The following TNFRSF25 variants were observed in gnomAD, a reference collection of about 807,000 sequenced individuals.
TNFRSF25 encodes the protein TNF receptor superfamily member 25, also known as tumor necrosis factor receptor superfamily member 25.
In TNFRSF25, 28 loss-of-function variants were observed where a neutral mutation model predicts 49.4. The ratio of observed to expected loss-of-function variants is 0.57; its 90% CI spans 0.42 to 0.78. The LOEUF is 0.78. Among genes scored for constraint, TNFRSF25 ranks in the 30% least tolerant of loss-of-function variants. The probability of loss-of-function intolerance (pLI) is 0.00; values close to 1 mark genes in which losing one functional copy is unlikely to be tolerated. For synonymous variants in TNFRSF25, 240 were observed against 234.2 expected (o/e 1.02, Z -0.23); for missense variants, 531 against 581.6 (o/e 0.91, Z 0.90).
chr1:6,465,288 C>A (rs182723651), intron 2 of TNFRSF25, 66 bp from the exon 3 acceptor site: 1 of 1,555,304 alleles, frequency 6.4e-7, no homozygotes, highest in Admixed American at 1.9e-5. Flanking sequence ...CTGCTTCCCA[C>A]CCTGCCCTCC....
rs776222482 is a variant in TNFRSF25, at chr1:6,461,665, C to T, written c.1023G>A (p.Ala341=). Reference sequence around the variant, plus strand: ...ACTCCTTCCAGCGCCGCGCTGGGACCGCGTCCATCACGTCGTAGAGCTGCG... The same window carrying T: ...ACTCCTTCCAGCGCCGCGCTGGGACTGCGTCCATCACGTCGTAGAGCTGCG... The part of the protein sequence containing the change: ...PGPQLYDVMD[A]VPARRWKEFV... Residue 341 remains alanine, a synonymous_variant, in exon 10 of 10, where the codon GCG becomes GCA. Coordinates refer to ENST00000356876, the MANE Select transcript of TNFRSF25 (RefSeq NM_003790.3). The surrounding 1 kb of genome is among the most constrained non-coding windows in gnomAD (Gnocchi z 6.3). The T allele has an allele frequency of 1.9e-5, 31 of 1,598,756 alleles. No homozygotes were observed. Among genetic ancestry groups the T allele is most frequent in the Middle Eastern group, 1.7e-4 (1 of 5,776 alleles).
Position 6,464,583 on chromosome 1 carries a change from G to A in TNFRSF25, c.432C>T (p.Cys144=), listed in dbSNP as rs377052906. The A allele has an allele frequency of 6.5e-5, 105 of 1,613,998 alleles. No individual in the cohort carries two copies. Among genetic ancestry groups the A allele is most frequent in the African/African-American group, 1.6e-4 (12 of 74,946 alleles). The stretch of plus-strand genomic sequence containing the variant: ...GCCGTGTGTGGCGGTGCAGGGCCCC[G>A]CAGTCTAGGCATGGTTGGCAGTAGA... ...SPFYCQPCLD[C]GALHRHTRLL... The change falls in exon 4 of 10, where the codon TGC becomes TGT. Residue 144 remains cysteine (C), a synonymous_variant. Transcript: ENST00000356876.
At position 6,462,121 on chromosome 1, in the gene TNFRSF25, G is replaced by A; in HGVS notation, c.798C>T (p.Asp266=). 1.2e-6 allele frequency: 2 copies of A among 1,613,862 alleles called. No homozygotes were observed. Among genetic ancestry groups the A allele is most frequent in the Non-Finnish European group, 1.7e-6 (2 of 1,179,928 alleles). ...GGACGGTGCAGATCTTCTCACTGCT[G>A]TCAGGAGGTGCTAGAAGGGTGTGGG... ...DSAHTLLAPP[D]SSEKICTVQL... is the part of the protein sequence containing the mutation. The change falls in exon 9 of 10, where the codon GAC becomes GAT. Residue 266 remains aspartate (D), a synonymous_variant. Transcript: ENST00000356876. This position sits in a 1 kb window ranked among gnomAD's most constrained non-coding sequence, Gnocchi z 4.2.
At position 6,462,487 on chromosome 1, in the gene TNFRSF25, C is replaced by A; in HGVS notation, c.744+142G>T. The A allele has an allele frequency of 6.6e-7, 1 of 1,513,796 alleles. No individual in the cohort carries two copies. The highest frequency in any genetic ancestry group is 8.8e-7 in the Non-Finnish European group (1 of 1,134,254). The allele number at this position is 1,513,796 out of a possible 1,614,324, so 93.8% of individuals were successfully genotyped here. A position where few individuals can be genotyped will look rare whatever the true frequency, so the allele number is the denominator to read the frequency against. ...TTGAGGGCAGGCACTGTGCTGGTCTCATCCACTGATGACTCTGCTCCCAAC... is the reference window on the plus strand; with the variant it reads ...TTGAGGGCAGGCACTGTGCTGGTCTAATCCACTGATGACTCTGCTCCCAAC... On this transcript the variant is annotated intron_variant, in intron 8 of 9. Coordinates refer to ENST00000356876, the MANE Select transcript of TNFRSF25 (RefSeq NM_003790.3). The surrounding 1 kb of genome is among the most constrained non-coding windows in gnomAD (Gnocchi z 4.2).
chr1:6,464,116 G>A, intron 5 of TNFRSF25: 1 of 1,359,832 alleles, frequency 7.4e-7, no homozygotes, highest in Non-Finnish European at 9.5e-7. Context: ...CAAATCATCT[G>A]TAATATCTGG....
At position 6,465,653 on chromosome 1, in the gene TNFRSF25, C is replaced by T. The variant is rs1206568249; in HGVS notation, c.40-93G>A. 7.0e-5 allele frequency: 107 copies of T among 1,520,680 alleles called. 1 individual carries two copies. The highest frequency in any genetic ancestry group is 4.0e-4 in the South Asian group (32 of 79,786). 94.2% of individuals were successfully genotyped at this position (1,520,680 alleles called of 1,614,324 possible). ...TCCATTTCAGAGGCCCCAGCATTTG[C>T]CCACAGAGCAGCCCACTTCCCAGGC... On this transcript the variant is annotated intron_variant, in intron 1 of 9. Coordinates refer to ENST00000356876, the MANE Select transcript of TNFRSF25 (RefSeq NM_003790.3).
rs543564153 is a variant in TNFRSF25 at position 6,462,948 on chromosome 1, C to T, written c.621G>A (p.Leu207=). The T allele has an allele frequency of 3.9e-5, 63 of 1,600,510 alleles. No homozygotes were observed. In the South Asian group the frequency reaches 7.1e-4, roughly 18 times the overall value. The change falls in exon 7 of 10, where the codon CTG becomes CTA. Residue 207 remains leucine, a synonymous_variant. Transcript: ENST00000356876. This position sits in a 1 kb window ranked among gnomAD's most constrained non-coding sequence, Gnocchi z 4.2. The part of the protein sequence containing the change: ...WRQMFWVQVL[L]AGLVVPLLLG... ...GCAGGAGGGGGACCACAAGGCCAGC[C>T]AGGAGCACCTGGACCCAGAACACTG...
At position 6,462,062 on chromosome 1, in the gene TNFRSF25, G is replaced by A. The variant is rs1347729002; in HGVS notation, c.857C>T (p.Pro286Leu). The A allele has an allele frequency of 3.1e-6, 5 of 1,613,632 alleles. No homozygotes were observed. The highest frequency in any genetic ancestry group is 2.7e-5 in the African/African-American group (2 of 74,916). Residue 286 changes from proline to leucine, a missense_variant, in exon 9 of 10, where the codon CCC becomes CTC. Pro to Leu is a moderately conservative substitution (Grantham distance 98). Coordinates refer to ENST00000356876, the MANE Select transcript of TNFRSF25 (RefSeq NM_003790.3). This position sits in a 1 kb window ranked among gnomAD's most constrained non-coding sequence, Gnocchi z 4.2. ...LVGNSWTPGY[P>L]ETQEALCPQV... Reference sequence around the variant, plus strand: ...CGGGCAGAGCGCCTCCTGGGTCTCGGGGTAGCCAGGGGTCCAGCTGTTACC... The same window carrying A: ...CGGGCAGAGCGCCTCCTGGGTCTCGAGGTAGCCAGGGGTCCAGCTGTTACC...
intron 5 of TNFRSF25, chr1:6,463,394 C>G: frequency 1.7e-6 from 1 of 574,624 alleles, no homozygotes; most frequent in East Asian, 2.9e-5. Flanking sequence ...ATCCCCAGCA[C>G]CTAGAACAGT....
In TNFRSF25 at chr1:6,464,644, T is replaced by A; in HGVS notation, c.371A>T (p.Glu124Val). Residue 124 changes from glutamate (E) to valine (V), a missense_variant, in exon 4 of 10, where the codon GAG (glutamate) becomes GTG (valine). Transcript: ENST00000356876. ...RCGCKPGWFV[E>V]CQVSQCVSSS... Reference sequence around the variant, plus strand: ...GCTGACACATTGGCTGACCTGGCACTCCACAAACCAGCCTGGCTTACAGCC... The same window carrying A: ...GCTGACACATTGGCTGACCTGGCACACCACAAACCAGCCTGGCTTACAGCC... 1 of 1,614,012 alleles carries A rather than the reference T, an allele frequency of 6.2e-7. No homozygotes were observed. The highest frequency in any genetic ancestry group is 8.5e-7 in the Non-Finnish European group (1 of 1,180,016).
Position 6,465,813 on chromosome 1 carries a change from C to T in TNFRSF25, c.40-253G>A, listed in dbSNP as rs1370708611. ...CACCAGAGCAGGAATCCAGCAGCGC[C>T]CCCACCCCCACCCATGCTTTCTGTT... is the stretch of plus-strand genomic sequence containing the variant. On this transcript the variant is annotated intron_variant, in intron 1 of 9. Coordinates refer to ENST00000356876, the MANE Select transcript of TNFRSF25 (RefSeq NM_003790.3). The T allele has an allele frequency of 1.1e-5, 15 of 1,424,074 alleles. No homozygotes were observed. The Admixed American group carries it at 4.2e-4, about 39-fold the overall frequency. 88.2% of individuals were successfully genotyped at this position (1,424,074 alleles called of 1,614,324 possible). A position where few individuals can be genotyped will look rare whatever the true frequency, so the allele number is the denominator to read the frequency against.
At position 6,461,716 on chromosome 1, in the gene TNFRSF25, C is replaced by A. The variant is rs1383775741; in HGVS notation, c.972G>T (p.Ser324=). ...PTLSPESPAG[S]PAMMLQPGPQ... ...GGCCCGGCTGCAGCATCATGGCTGG[C>A]GAGCCGGCTGGGGACTCTGGCGAGA... The change falls in exon 10 of 10, where the codon TCG becomes TCT. Residue 324 remains serine, a synonymous_variant. Coordinates refer to ENST00000356876, the MANE Select transcript of TNFRSF25 (RefSeq NM_003790.3). The surrounding 1 kb of genome is among the most constrained non-coding windows in gnomAD (Gnocchi z 6.3). 5 of 1,557,676 alleles carry A rather than the reference C, an allele frequency of 3.2e-6. No homozygotes were observed. The highest frequency in any genetic ancestry group is 2.3e-5 in the South Asian group (2 of 86,918).
In TNFRSF25 at chr1:6,461,721, C is replaced by T. The variant is rs772526379; in HGVS notation, c.967G>A (p.Gly323Ser). 11 of 1,552,626 alleles carry T rather than the reference C, an allele frequency of 7.1e-6. No homozygotes were observed. The highest frequency in any genetic ancestry group is 1.4e-5 in the African/African-American group (1 of 73,670). ...APTLSPESPA[G>S]SPAMMLQPGP... ...GGCTGCAGCATCATGGCTGGCGAGCCGGCTGGGGACTCTGGCGAGAGTGTG... is the reference window on the plus strand; with the variant it reads ...GGCTGCAGCATCATGGCTGGCGAGCTGGCTGGGGACTCTGGCGAGAGTGTG... The change falls in exon 10 of 10, where the codon GGC (glycine) becomes AGC (serine). Residue 323 changes from glycine (G) to serine (S), a missense_variant. Coordinates refer to ENST00000356876, the MANE Select transcript of TNFRSF25 (RefSeq NM_003790.3). The surrounding 1 kb of genome is among the most constrained non-coding windows in gnomAD (Gnocchi z 6.3).
intron 1 of TNFRSF25, chr1:6,465,787 C>A (rs1047297775): frequency 1.4e-6 from 2 of 1,427,330 alleles, no homozygotes; most frequent in African/African-American, 2.9e-5. Flanking sequence ...AGTTTCCCCT[C>A]CACCAGAGCA....
At chr1:6,464,521 G>A (rs1161739010) in intron 4 of TNFRSF25, 31 bp downstream of exon 4, 1 of 1,613,600 alleles carries the variant, frequency 6.2e-7, no homozygotes. Context: ...AGGGGGTCTG[G>A]GAGTAGAGAG....
chr1:6,465,996 G>T, intron 1 of TNFRSF25, 73 bp downstream of exon 1: 2 of 1,520,844 alleles, frequency 1.3e-6, no homozygotes, highest in Non-Finnish European at 1.8e-6. Flanking sequence ...AGACGCGCCC[G>T]GGGCCCCTTC....
intron 5 of TNFRSF25, 109 bp downstream of exon 5, chr1:6,464,266 C>G (rs1644267737): frequency 6.6e-7 from 1 of 1,525,254 alleles, no homozygotes; most frequent in African/African-American, 1.4e-5. Flanking sequence ...AAGGCTCCCT[C>G]CTCCCTATCC....
rs1644176186 is a variant in TNFRSF25, at chr1:6,461,667, C to T, written c.1021G>A (p.Ala341Thr). 2 of 1,595,328 alleles carry T rather than the reference C, an allele frequency of 1.3e-6. No individual in the cohort carries two copies. Among genetic ancestry groups the T allele is most frequent in the African/African-American group, 1.3e-5 (1 of 74,720 alleles). Reference sequence around the variant, plus strand: ...TCCTTCCAGCGCCGCGCTGGGACCGCGTCCATCACGTCGTAGAGCTGCGGG... The same window carrying T: ...TCCTTCCAGCGCCGCGCTGGGACCGTGTCCATCACGTCGTAGAGCTGCGGG... Reference protein sequence around the residue: ...PGPQLYDVMDAVPARRWKEFV... With the variant: ...PGPQLYDVMDTVPARRWKEFV... Residue 341 changes from alanine (A) to threonine (T), a missense_variant, in exon 10 of 10, where the codon GCG (alanine) becomes ACG (threonine). Physicochemically the swap from Ala to Thr is moderately conservative, Grantham distance 58. Coordinates refer to ENST00000356876, the MANE Select transcript of TNFRSF25 (RefSeq NM_003790.3). This position sits in a 1 kb window ranked among gnomAD's most constrained non-coding sequence, Gnocchi z 6.3.
chr1:6,465,332 T>C, intron 2 of TNFRSF25, 108 bp downstream of exon 2: 1 of 1,480,050 alleles, frequency 6.8e-7, no homozygotes, highest in Non-Finnish European at 9.1e-7. Context: ...TACTTCTCTG[T>C]CAGCCTACCC....
Sources: allele counts gnomAD v4.1 joint callset, GRCh38; gene constraint gnomAD v4.1.1; non-coding constraint Gnocchi (gnomAD v3.1); transcripts MANE v1.5; gene names NCBI Gene and HGNC (gene_info 2026-07-23, HGNC 2026-07-21).